Variants in KIAA1328 observed in about 807,000 individuals in gnomAD.
KIAA1328 encodes KIAA1328, also known as protein hinderin.
Under a neutral mutation model 68.1 loss-of-function variants are expected in KIAA1328, and 52 were observed. The observed-to-expected ratio is 0.76, with a 90% CI of 0.61 to 0.96. KIAA1328 has a LOEUF of 0.96. Ranked by LOEUF, KIAA1328 falls within the 40% of genes least tolerant of loss-of-function variation. The pLI is 0.00. For missense variants in KIAA1328, 641 were observed against 677.6 expected, an observed-to-expected ratio of 0.95 and a Z score of 0.60; for synonymous variants, 232 against 239.4, an observed-to-expected ratio of 0.97 and a Z score of 0.28.
At chr18:37,170,892 A>G (rs1457615643) in intron 8 of KIAA1328, among the ~76,000 whole-genome samples, 1 of 152,218 alleles carries the variant, frequency 6.6e-6, no homozygotes, top group African/African-American at 2.4e-5. Flanking sequence ...CAATAGAGAT[A>G]GAGAGGGGGC....
At chr18:36,955,396 A>G (rs894048076) in intron 5 of KIAA1328, among the ~76,000 whole-genome samples, 1 of 146,126 alleles carries the variant, frequency 6.8e-6, no homozygotes, top group Non-Finnish European at 1.5e-5. Context: ...TGCAACCTCC[A>G]TCTCCTGGGT....
At chr18:37,105,241 G>A (rs143478921) in intron 7 of KIAA1328, among the ~76,000 whole-genome samples, 11 of 152,068 alleles carry the variant, frequency 7.2e-5, no homozygotes, top group Non-Finnish European at 1.5e-4. Flanking sequence ...GGTTGCTGAC[G>A]CCTGTTATCC....
rs540954569 is a variant in KIAA1328 at position 36,852,937 on chromosome 18, T to A, written c.332+8635T>A. ...AATTCTCTATTATTCTAGAACTGTT[T>A]ATTTTATCTTCAGCTATGTTAATAT... On this transcript the variant is annotated intron_variant, in intron 4 of 9. Coordinates refer to ENST00000280020, the MANE Select transcript of KIAA1328 (RefSeq NM_020776.3). Among the ~76,000 whole-genome samples the A allele has an allele frequency of 3.3e-5, 5 of 152,346 alleles. No individual in the cohort carries two copies. The East Asian group carries it at 9.6e-4, about 29-fold the overall frequency.
intron 7 of KIAA1328, among the ~76,000 whole-genome samples, chr18:37,153,623 GC>G (rs1012132363): frequency 7.5e-6 from 1 of 132,684 alleles, no homozygotes; most frequent in African/African-American, 2.8e-5. Context: ...CAATCCAATA[GC>G]TTTTTTTTTT....
intron 5 of KIAA1328, among the ~76,000 whole-genome samples, chr18:36,907,934 A>G (rs1017034231): frequency 1.3e-5 from 2 of 152,068 alleles, no homozygotes; most frequent in Admixed American, 6.5e-5. Flanking sequence ...TCGATTTCTT[A>G]CAGGCCTTGT....
downstream of KIAA1328, among the ~76,000 whole-genome samples, chr18:37,227,764 A>G (rs887269567): frequency 2.0e-5 from 3 of 152,222 alleles, no homozygotes; most frequent in African/African-American, 4.8e-5. Flanking sequence ...TAACACAGCA[A>G]CCATTCTGCA....
chr18:36,976,638 A>C (rs1045865297), intron 6 of KIAA1328, among the ~76,000 whole-genome samples: 1 of 151,790 alleles, frequency 6.6e-6, no homozygotes, highest in African/African-American at 2.4e-5. Context: ...TTGTTTATAG[A>C]TTATATTATA....
intron 5 of KIAA1328, among the ~76,000 whole-genome samples, chr18:36,919,397 T>C (rs1192591247): frequency 6.6e-6 from 1 of 152,186 alleles, no homozygotes; most frequent in Non-Finnish European, 1.5e-5. Flanking sequence ...TGCTTTTTTA[T>C]ACAGTCTAAC....
At chr18:37,098,687 G>A (rs1393162966) in intron 7 of KIAA1328, among the ~76,000 whole-genome samples, 1 of 152,124 alleles carries the variant, frequency 6.6e-6, no homozygotes, top group Admixed American at 6.6e-5. Context: ...GAATTCGGCT[G>A]TGAATCCGTC....
chr18:37,068,320 T>C (rs1279038084), intron 7 of KIAA1328, among the ~76,000 whole-genome samples: 2 of 152,192 alleles, frequency 1.3e-5, no homozygotes, highest in African/African-American at 2.4e-5. Flanking sequence ...ATTCAACCCT[T>C]TCTGGCCATG....
In KIAA1328 at chr18:36,973,830, T is replaced by TACACACAC. The variant is rs111392122; in HGVS notation, c.576+14409_576+14416dup. On this transcript the variant is annotated intron_variant, in intron 6 of 9. Coordinates refer to ENST00000280020, the MANE Select transcript of KIAA1328 (RefSeq NM_020776.3). ...ACGCACATACACACACACACACACA[T>TACACACAC]ACACACACACACACACACACATATA... 1.6e-3 allele frequency among the ~76,000 whole-genome samples: 242 copies of TACACACAC among 147,288 alleles called. 1 individual carries two copies. Among genetic ancestry groups the TACACACAC allele is most frequent in the South Asian group, 6.6e-3 (30 of 4,566 alleles).
At chr18:37,151,947 A>T (rs541578225) in intron 7 of KIAA1328, among the ~76,000 whole-genome samples, 1 of 151,944 alleles carries the variant, frequency 6.6e-6, no homozygotes, top group South Asian at 2.1e-4. Flanking sequence ...ATCTATGTGG[A>T]GTTTGGCCTT....
At chr18:37,086,373 T>G (rs2057104718) in intron 7 of KIAA1328, among the ~76,000 whole-genome samples, 1 of 152,220 alleles carries the variant, frequency 6.6e-6, no homozygotes, top group African/African-American at 2.4e-5. Flanking sequence ...CCAATTACAA[T>G]TTACAAGATA....
Position 37,067,327 on chromosome 18 carries a change from T to G in KIAA1328, c.1014T>G (p.Cys338Trp), listed in dbSNP as rs764394519. The G allele has an allele frequency of 2.0e-5, 32 of 1,613,866 alleles. No homozygotes were observed. The highest frequency in any genetic ancestry group is 2.6e-5 in the Non-Finnish European group (31 of 1,179,882). Residue 338 changes from cysteine to tryptophan, a missense_variant, in exon 7 of 10, where the codon TGT becomes TGG. Coordinates refer to ENST00000280020, the MANE Select transcript of KIAA1328 (RefSeq NM_020776.3). ...CACATCCAGAATCATGCAGTTATTG[T>G]CGGCTTTCTTGGGCATCTCTGGTGC... ...PKTHPESCSY[C>W]RLSWASLVHG...
At position 37,141,640 on chromosome 18, in the gene KIAA1328, A is replaced by G. The variant is rs185014253; in HGVS notation, c.1233-18560A>G. 9.8e-5 allele frequency among the ~76,000 whole-genome samples: 15 copies of G among 152,306 alleles called. No homozygotes were observed. In the East Asian group the frequency reaches 2.9e-3, roughly 29 times the overall value. Reference sequence around the variant, plus strand: ...GAGTGAAATTACTGTATCATATTGTAAGTTTATTTTCAACTGTACATGAAA... The same window carrying G: ...GAGTGAAATTACTGTATCATATTGTGAGTTTATTTTCAACTGTACATGAAA... On this transcript the variant is annotated intron_variant, in intron 7 of 9. Coordinates refer to ENST00000280020, the MANE Select transcript of KIAA1328 (RefSeq NM_020776.3).
intron 7 of KIAA1328, chr18:37,074,611 AC>A (rs2056648801): frequency 6.6e-6 from 1 of 152,054 alleles, no homozygotes; most frequent in African/African-American, 2.4e-5. Flanking sequence ...TGCATTGTTC[AC>A]GTAGTTCTTG....
intron 3 of KIAA1328, among the ~76,000 whole-genome samples, chr18:36,843,821 A>G (rs1292983231): frequency 2.0e-5 from 3 of 152,176 alleles, no homozygotes; most frequent in Non-Finnish European, 4.4e-5. Context: ...AATGCTTAGT[A>G]ACTGGTGCCT....
chr18:36,931,607 A>G (rs1348454231), intron 5 of KIAA1328, among the ~76,000 whole-genome samples: 2 of 152,050 alleles, frequency 1.3e-5, no homozygotes, highest in Non-Finnish European at 2.9e-5. Flanking sequence ...GAGAGAACTT[A>G]TATTTCTAGT....
At chr18:36,835,909 A>G (rs1233289855) in intron 3 of KIAA1328, among the ~76,000 whole-genome samples, 1 of 152,180 alleles carries the variant, frequency 6.6e-6, no homozygotes, top group Non-Finnish European at 1.5e-5. Context: ...GGATGTCTAC[A>G]CAAAACTTGT....
Sources: gnomAD v4.1 joint callset for allele counts (sites outside exome capture counted in the v4.1 genomes callset) on GRCh38, gnomAD v4.1.1 for gene constraint, MANE v1.5 for transcripts, NCBI Gene and HGNC (gene_info 2026-07-23, HGNC 2026-07-21) for gene names.